Variants in RABGAP1L observed in about 807,000 individuals in gnomAD.
The protein encoded by RABGAP1L is rab GTPase-activating protein 1-like.
Under a neutral mutation model 137.7 loss-of-function variants are expected in RABGAP1L, and 63 were observed. The ratio of observed to expected loss-of-function variants is 0.46; its 90% CI spans 0.37 to 0.56. The LOEUF is 0.56. RABGAP1L is among the 20% of genes least tolerant of loss of function. The pLI, the probability that RABGAP1L is intolerant of heterozygous loss-of-function variation, is 0.00. For missense variants in RABGAP1L, 1,095 were observed against 1,244.0 expected (o/e 0.88, Z 1.80); for synonymous variants, 431 against 433.7 (o/e 0.99, Z 0.08).
At chr1:174,416,202 A>T (rs1650571985) in intron 13 of RABGAP1L, among the ~76,000 whole-genome samples, 1 of 151,910 alleles carries the variant, frequency 6.6e-6, no homozygotes, top group African/African-American at 2.4e-5. Context: ...CTATGAAGAG[A>T]ATAATTGTTC....
intron 19 of RABGAP1L, among the ~76,000 whole-genome samples, chr1:174,867,845 A>G (rs1394361843): frequency 1.3e-5 from 2 of 152,180 alleles, no homozygotes; most frequent in Non-Finnish European, 2.9e-5. Flanking sequence ...GGGTTTCACC[A>G]TGTTGTTCAG....
chr1:174,535,023 A>G (rs1664791359), intron 13 of RABGAP1L, among the ~76,000 whole-genome samples: 1 of 152,094 alleles, frequency 6.6e-6, no homozygotes, highest in South Asian at 2.1e-4. Context: ...ATGAAAGTGG[A>G]ATGGTTTATA....
intron 19 of RABGAP1L, among the ~76,000 whole-genome samples, chr1:174,870,585 G>A (rs974370025): frequency 1.3e-5 from 2 of 152,038 alleles, no homozygotes; most frequent in South Asian, 2.1e-4. Flanking sequence ...TGTAGGTATC[G>A]AGTCAAATCA....
At chr1:174,532,207 G>GT (rs994877151) in intron 13 of RABGAP1L, among the ~76,000 whole-genome samples, 9 of 150,454 alleles carry the variant, frequency 6.0e-5, no homozygotes, top group Admixed American at 2.0e-4. Flanking sequence ...TTTGTTTTTT[G>GT]TTTTTTTGTT....
chr1:174,476,093 C>A (rs1340643123), intron 13 of RABGAP1L, among the ~76,000 whole-genome samples: 1 of 152,058 alleles, frequency 6.6e-6, no homozygotes, highest in Admixed American at 6.6e-5. Context: ...TTAATTCTTA[C>A]TTTTTCCATG....
intron 7 of RABGAP1L, among the ~76,000 whole-genome samples, chr1:174,260,762 C>A (rs1179421618): frequency 6.6e-6 from 1 of 152,154 alleles, no homozygotes; most frequent in Non-Finnish European, 1.5e-5. Flanking sequence ...ATTACTAGCA[C>A]TGTTACCTAA....
chr1:174,232,433 C>A (rs556940873), intron 4 of RABGAP1L, among the ~76,000 whole-genome samples: 1 of 150,436 alleles, frequency 6.6e-6, no homozygotes, highest in South Asian at 2.1e-4. Context: ...TGCGGTGAGC[C>A]GAGATCATGC....
chr1:174,648,743 C>A (rs1349221373), intron 14 of RABGAP1L, among the ~76,000 whole-genome samples: 1 of 152,028 alleles, frequency 6.6e-6, no homozygotes, highest in Non-Finnish European at 1.5e-5. Flanking sequence ...GAGTTCAAGT[C>A]CTGAATATCC....
At chr1:174,159,972 A>G (rs906051374) in intron 1 of RABGAP1L, 1 of 152,144 alleles carries the variant, frequency 6.6e-6, no homozygotes, top group Non-Finnish European at 1.5e-5. Context: ...CCCTCCTGAC[A>G]TTGCTGCCTC....
At chr1:174,226,810 TAA>T (rs1479910488) in intron 3 of RABGAP1L, among the ~76,000 whole-genome samples, 1 of 152,114 alleles carries the variant, frequency 6.6e-6, no homozygotes, top group Non-Finnish European at 1.5e-5. Flanking sequence ...TTTTTATCTT[TAA>T]AGAGTGTTTC....
chr1:174,579,178 A>G (rs1380097759), intron 13 of RABGAP1L, among the ~76,000 whole-genome samples: 1 of 152,010 alleles, frequency 6.6e-6, no homozygotes, highest in African/African-American at 2.4e-5. Context: ...TATGTGTTTC[A>G]AGCAGAAGGA....
At chr1:174,662,382 G>A (rs1040803654) in intron 14 of RABGAP1L, among the ~76,000 whole-genome samples, 1 of 151,686 alleles carries the variant, frequency 6.6e-6, no homozygotes, top group Non-Finnish European at 1.5e-5. Context: ...GGGATTACAG[G>A]CGTGAGCCAC....
intron 13 of RABGAP1L, among the ~76,000 whole-genome samples, chr1:174,400,586 A>G (rs1488899565): frequency 6.6e-6 from 1 of 152,200 alleles, no homozygotes; most frequent in Non-Finnish European, 1.5e-5. Context: ...GGTCCTGGAT[A>G]AAGCTTTTAA....
At chr1:174,446,326 G>T (rs971991717) in intron 13 of RABGAP1L, among the ~76,000 whole-genome samples, 1 of 152,136 alleles carries the variant, frequency 6.6e-6, no homozygotes, top group South Asian at 2.1e-4. Flanking sequence ...ATATCCTATG[G>T]CTATTATAAA....
At chr1:174,623,217 T>C (rs1157363856) in intron 13 of RABGAP1L, among the ~76,000 whole-genome samples, 2 of 152,198 alleles carry the variant, frequency 1.3e-5, no homozygotes, top group Non-Finnish European at 2.9e-5. Context: ...AGAGGAAAAG[T>C]TGAACAATGA....
intron 13 of RABGAP1L, among the ~76,000 whole-genome samples, chr1:174,608,369 T>A (rs1350992428): frequency 6.6e-6 from 1 of 152,214 alleles, no homozygotes; most frequent in African/African-American, 2.4e-5. Context: ...GGCCAGGAGC[T>A]TATCTTTCAG....
rs1208639075 is a variant in RABGAP1L, at chr1:174,990,310, T to G, written c.*309T>G. 4.5e-6 allele frequency: 1 copy of G among 221,334 alleles called. No individual in the cohort carries two copies. The highest frequency in any genetic ancestry group is 8.7e-6 in the Non-Finnish European group (1 of 114,418). 13.7% of individuals were successfully genotyped at this position (221,334 alleles called of 1,614,324 possible). ...ATTCAGAACTAAATGCTTTTTTATTTAGAATTATTCATAATTATTTTTATC... is the reference window on the plus strand; with the variant it reads ...ATTCAGAACTAAATGCTTTTTTATTGAGAATTATTCATAATTATTTTTATC... On this transcript the variant is annotated 3_prime_UTR_variant, in exon 26 of 26. Coordinates refer to ENST00000681986, the MANE Select transcript of RABGAP1L (RefSeq NM_001366446.1).
intron 14 of RABGAP1L, among the ~76,000 whole-genome samples, chr1:174,639,521 G>C (rs942724972): frequency 5.9e-5 from 9 of 151,912 alleles, no homozygotes; most frequent in Non-Finnish European, 1.3e-4. Flanking sequence ...TATTTAAGAG[G>C]GTCTGGTTTA....
chr1:174,758,509 C>T (rs1210217670), intron 18 of RABGAP1L, among the ~76,000 whole-genome samples: 1 of 152,046 alleles, frequency 6.6e-6, no homozygotes, highest in African/African-American at 2.4e-5. Context: ...TTTGCATACC[C>T]ATAGCTTAGC....
Sources: allele counts gnomAD v4.1 joint callset (sites outside exome capture counted in the v4.1 genomes callset), GRCh38; gene constraint gnomAD v4.1.1; transcripts MANE v1.5; gene names NCBI Gene and HGNC (gene_info 2026-07-23, HGNC 2026-07-21).